Variants in KASH5 observed in about 807,000 individuals in gnomAD.
The protein encoded by KASH5 is protein KASH5.
Under a neutral mutation model 84.2 loss-of-function variants are expected in KASH5, and 72 were observed. That is an observed-to-expected ratio of 0.85 (90% CI 0.71 to 1.04). The LOEUF (loss-of-function observed/expected upper bound fraction) is 1.04, where lower values mean the gene tolerates loss of function less well. Ranked by LOEUF, KASH5 falls within the 50% of genes least tolerant of loss-of-function variation. KASH5 has a pLI of 0.00. For synonymous variants in KASH5, 260 were observed against 279.1 expected (o/e 0.93, Z 0.68); for missense variants, 650 against 701.0 (o/e 0.93, Z 0.82).
At position 49,415,245 on chromosome 19, in the gene KASH5, G is replaced by A. The variant is rs1265721293; in HGVS notation, c.1374+249G>A. ...GGGACCCTCCCAGCCACACACACAG[G>A]GCTGCAGCCACCACACCGCAGGCCT... On this transcript the variant is annotated intron_variant, in intron 17 of 19. Transcript: ENST00000447857. 1.0e-5 allele frequency: 6 copies of A among 571,534 alleles called. No individual in the cohort carries two copies. The African/African-American group carries it at 1.1e-4, about 11-fold the overall frequency. The allele number at this position is 571,534 out of a possible 1,614,324, so 35.4% of individuals were successfully genotyped here.
chr19:49,416,436 C>G lies in KASH5; in HGVS notation c.1375-579C>G, dbSNP rs1974906322. Among the ~76,000 whole-genome samples the G allele has an allele frequency of 6.6e-6, 1 of 152,192 alleles. No homozygotes were observed. The highest frequency in any genetic ancestry group is 1.5e-5 in the Non-Finnish European group (1 of 68,044). ...TCCATGTCCTGACCTTGTGATCCGC[C>G]CGCTTCAGCCTCCCAAAGTGCCGGG... On this transcript the variant is annotated intron_variant, in intron 17 of 19. Transcript: ENST00000447857. This position sits in a 1 kb window ranked among gnomAD's most constrained non-coding sequence, Gnocchi z 5.4.
rs8110759 is a variant in KASH5, at chr19:49,399,673, G to A, written c.798+166G>A. 22 of 1,481,398 alleles carry A rather than the reference G, an allele frequency of 1.5e-5. No homozygotes were observed. The highest frequency in any genetic ancestry group is 2.7e-5 in the South Asian group (2 of 74,574). 91.8% of individuals were successfully genotyped at this position (1,481,398 alleles called of 1,614,324 possible). A position where few individuals can be genotyped will look rare whatever the true frequency, so the allele number is the denominator to read the frequency against. On this transcript the variant is annotated intron_variant, in intron 9 of 19. Coordinates refer to ENST00000447857, the MANE Select transcript of KASH5 (RefSeq NM_144688.5). The surrounding 1 kb of genome is among the most constrained non-coding windows in gnomAD (Gnocchi z 4.4). ...GTTATATCACACTGTGAGAACAGCC[G>A]TGGTTTACAAGAGTGTGAGGCATGG... is the stretch of plus-strand genomic sequence containing the variant.
intron 6 of KASH5, 70 bp from the exon 7 acceptor site, chr19:49,397,912 C>T (rs1285003865): frequency 6.4e-7 from 1 of 1,555,078 alleles, no homozygotes; most frequent in African/African-American, 1.4e-5. Context: ...CCACCACCAG[C>T]ACCTACCTCG....
intron 15 of KASH5, among the ~76,000 whole-genome samples, chr19:49,411,968 G>C (rs1005344649): frequency 7.5e-6 from 1 of 134,130 alleles, no homozygotes; most frequent in Non-Finnish European, 1.6e-5. Context: ...AGGAAGGAAG[G>C]AAGGAAAGAA....
In KASH5 at chr19:49,390,889, C is replaced by T; in HGVS notation, c.6C>T (p.Asp2=). The change falls in exon 2 of 20, where the codon GAC becomes GAT. Residue 2 remains aspartate, a synonymous_variant. Transcript: ENST00000447857. ...CGCCGCGGCAGGGGTGGCCCATGGACCTGCCCGAGGGCCCGGTGGGTGGCC... is the reference window on the plus strand; with the variant it reads ...CGCCGCGGCAGGGGTGGCCCATGGATCTGCCCGAGGGCCCGGTGGGTGGCC... M[D]LPEGPVGGPT... 1 of 1,599,966 alleles carries T rather than the reference C, an allele frequency of 6.3e-7. No individual in the cohort carries two copies. Among genetic ancestry groups the T allele is most frequent in the Non-Finnish European group, 8.5e-7 (1 of 1,174,538 alleles).
chr19:49,395,766 C>A lies in KASH5; in HGVS notation c.336-3C>A. 1 of 1,557,698 alleles carries A rather than the reference C, an allele frequency of 6.4e-7. No individual in the cohort carries two copies. Among genetic ancestry groups the A allele is most frequent in the Non-Finnish European group, 8.7e-7 (1 of 1,150,984 alleles). On this transcript the variant is annotated splice_region_variant and splice_polypyrimidine_tract_variant and intron_variant, in intron 4 of 19. Coordinates refer to ENST00000447857, the MANE Select transcript of KASH5 (RefSeq NM_144688.5). The surrounding 1 kb of genome is among the most constrained non-coding windows in gnomAD (Gnocchi z 4.4). ...GGCGCTAAGCCTCATCCCTTTGATA[C>A]AGGGGATTAGAGCTGGAAGAGGAGA...
At chr19:49,411,729 A>C (rs1974715374) in intron 15 of KASH5, among the ~76,000 whole-genome samples, 2 of 152,308 alleles carry the variant, frequency 1.3e-5, no homozygotes, top group South Asian at 2.1e-4. Flanking sequence ...GCCTGATAGG[A>C]GAGACCCTGC....
chr19:49,407,664 C>T lies in KASH5; in HGVS notation c.986C>T (p.Thr329Met), dbSNP rs557687787. The T allele has an allele frequency of 8.6e-5, 138 of 1,604,138 alleles. No homozygotes were observed. Among genetic ancestry groups the T allele is most frequent in the Non-Finnish European group, 1.1e-4 (127 of 1,175,406 alleles). ...LAQTLEEYRV[T>M]TQELRLEISR... Reference sequence around the variant, plus strand: ...CAGACCCTGGAAGAATACAGAGTGACGACGCAGGTAACTCAGCGGCCCTCG... The same window carrying T: ...CAGACCCTGGAAGAATACAGAGTGATGACGCAGGTAACTCAGCGGCCCTCG... The change falls in exon 12 of 20, where the codon ACG becomes ATG. Residue 329 changes from threonine to methionine, a missense_variant. Thr to Met is a moderately conservative substitution (Grantham distance 81). Transcript: ENST00000447857.
At position 49,417,374 on chromosome 19, in the gene KASH5, C is replaced by G; in HGVS notation, c.1553C>G (p.Thr518Ser). Reference sequence around the variant, plus strand: ...CTCTCCCACCTCCCCACCAGAGTCACTCGACATCCACTGATCCCAGCTCCT... The same window carrying G: ...CTCTCCCACCTCCCCACCAGAGTCAGTCGACATCCACTGATCCCAGCTCCT... ...LCLPPQRLRV[T>S]RHPLIPAPVL... The change falls in exon 20 of 20, where the codon ACT becomes AGT. Residue 518 changes from threonine (T) to serine (S), a missense_variant. By Grantham distance (58) the Thr-to-Ser change is moderately conservative. Transcript: ENST00000447857. This position sits in a 1 kb window ranked among gnomAD's most constrained non-coding sequence, Gnocchi z 5.2. 6.4e-7 allele frequency: 1 copy of G among 1,552,686 alleles called. No individual in the cohort carries two copies. Among genetic ancestry groups the G allele is most frequent in the Non-Finnish European group, 8.7e-7 (1 of 1,147,188 alleles).
rs764898133 is a variant in KASH5, at chr19:49,399,583, C to G, written c.798+76C>G. ...TTCTTGACACCACTCCCTTCTGCCC[C>G]CAACACCCCAGCAGCCTGTCTTGGG... On this transcript the variant is annotated intron_variant, in intron 9 of 19. Transcript: ENST00000447857. This position sits in a 1 kb window ranked among gnomAD's most constrained non-coding sequence, Gnocchi z 4.4. 40 of 1,554,366 alleles carry G rather than the reference C, an allele frequency of 2.6e-5. 1 individual carries two copies. The highest frequency in any genetic ancestry group is 8.3e-5 in the South Asian group (7 of 84,370).
Position 49,416,837 on chromosome 19 carries a change from C to T in KASH5, c.1375-178C>T, listed in dbSNP as rs1355721336. 6.6e-6 allele frequency among the ~76,000 whole-genome samples: 1 copy of T among 152,064 alleles called. No individual in the cohort carries two copies. Among genetic ancestry groups the T allele is most frequent in the East Asian group, 1.9e-4 (1 of 5,190 alleles). ...CGGCACGGAGAGGTGTGGTGACATG[C>T]CAAGGACCCTCAGCCAGAAGCTGGC... On this transcript the variant is annotated intron_variant, in intron 17 of 19. Transcript: ENST00000447857. The surrounding 1 kb of genome is among the most constrained non-coding windows in gnomAD (Gnocchi z 5.4).
intron 2 of KASH5, chr19:49,393,504 C>G (rs111521799): frequency 6.6e-6 from 1 of 152,250 alleles, no homozygotes. Flanking sequence ...GCTGCTGCAC[C>G]CAGCTGTTCA....
chr19:49,394,400 A>T, intron 2 of KASH5, 76 bp from the exon 3 acceptor site: 1 of 1,115,804 alleles, frequency 9.0e-7, no homozygotes, highest in Non-Finnish European at 1.4e-6. Flanking sequence ...AGAGCCCAGG[A>T]GGCTGAGGAC....
chr19:49,415,273 T>C, intron 17 of KASH5: 3 of 528,598 alleles, frequency 5.7e-6, no homozygotes, highest in Non-Finnish European at 1.0e-5. Flanking sequence ...GCAGGCCTCA[T>C]AGACGTGGCT....
At chr19:49,409,167 A>G (rs1277172606) in intron 13 of KASH5, 29 bp from the exon 14 acceptor site, 4 of 1,610,032 alleles carry the variant, frequency 2.5e-6, no homozygotes, top group Middle Eastern at 1.7e-4. Flanking sequence ...CACAGAGGCC[A>G]TCTTCCTCCC....
chr19:49,408,771 G>A (rs956734736), intron 12 of KASH5, among the ~76,000 whole-genome samples, 196 bp from the exon 13 acceptor site: 1 of 152,168 alleles, frequency 6.6e-6, no homozygotes, highest in Non-Finnish European at 1.5e-5. Flanking sequence ...TTTAGCTTCT[G>A]GATTCCTGTT....
In KASH5 at chr19:49,394,489, G is replaced by T; in HGVS notation, c.57G>T (p.Glu19Asp). Residue 19 changes from glutamate to aspartate, a missense_variant, in exon 3 of 20, where the codon GAG becomes GAT. Coordinates refer to ENST00000447857, the MANE Select transcript of KASH5 (RefSeq NM_144688.5). ...TTGTCTCCCCAGTGTACCTCCGGGA[G>T]CGGCCTGAGGAGGCAAGGCTGGGAA... ...GGPTAEMYLR[E>D]RPEEARLGMP... The T allele has an allele frequency of 6.2e-7, 1 of 1,613,764 alleles. No individual in the cohort carries two copies. The highest frequency in any genetic ancestry group is 8.5e-7 in the Non-Finnish European group (1 of 1,179,774).
intron 9 of KASH5, among the ~76,000 whole-genome samples, chr19:49,405,997 A>C (rs1600931325): frequency 6.7e-6 from 1 of 149,744 alleles, no homozygotes; most frequent in African/African-American, 2.5e-5. Flanking sequence ...GTGTTGTGGC[A>C]GGTGGCTGTA....
Position 49,395,408 on chromosome 19 carries a change from G to A in KASH5, c.335+116G>A, listed in dbSNP as rs1239989201. The A allele has an allele frequency of 1.3e-5, 15 of 1,115,500 alleles. No individual in the cohort carries two copies. Among genetic ancestry groups the A allele is most frequent in the Non-Finnish European group, 1.9e-5 (15 of 769,232 alleles). 69.1% of individuals were successfully genotyped at this position (1,115,500 alleles called of 1,614,324 possible). ...AAGGACCTACTGTGTTTGGAATGAG[G>A]CTGTGGAGAGAAAAATGAAGAGACG... On this transcript the variant is annotated intron_variant, in intron 4 of 19. Transcript: ENST00000447857. The surrounding 1 kb of genome is among the most constrained non-coding windows in gnomAD (Gnocchi z 4.4).
Sources: gnomAD v4.1 joint callset for allele counts (sites outside exome capture counted in the v4.1 genomes callset) on GRCh38, gnomAD v4.1.1 for gene constraint, Gnocchi (gnomAD v3.1) non-coding constraint, MANE v1.5 for transcripts, NCBI Gene and HGNC (gene_info 2026-07-23, HGNC 2026-07-21) for gene names.